HTR7: variants seen among roughly 807,000 people sequenced by gnomAD.
HTR7 encodes 5-hydroxytryptamine receptor 7, also known as 5-HT-7.
Under a neutral mutation model 34.0 loss-of-function variants are expected in HTR7, and 16 were observed. The observed-to-expected ratio is 0.47, with a 90% CI of 0.32 to 0.71. The LOEUF (loss-of-function observed/expected upper bound fraction) is 0.71, where lower values mean the gene tolerates loss of function less well. HTR7 is among the 30% of genes least tolerant of loss of function. The pLI, the probability that HTR7 is intolerant of heterozygous loss-of-function variation, is 0.04. For synonymous variants in HTR7, 265 were observed against 260.2 expected, an observed-to-expected ratio of 1.02 and a Z score of -0.18; for missense variants, 504 against 625.5, an observed-to-expected ratio of 0.81 and a Z score of 2.07.
In HTR7 at chr10:90,857,663, G is replaced by T; in HGVS notation, c.9C>A (p.Asp3Glu). 1 of 1,573,286 alleles carries T rather than the reference G, an allele frequency of 6.4e-7. No homozygotes were observed. The highest frequency in any genetic ancestry group is 1.4e-5 in the African/African-American group (1 of 72,598). Reference sequence around the variant, plus strand: ...GGTCCGGGCGGCCGCTGCTGTTAACGTCCATCATCGCGCCGCCGTGTGCCG... The same window carrying T: ...GGTCCGGGCGGCCGCTGCTGTTAACTTCCATCATCGCGCCGCCGTGTGCCG... MM[D>E]VNSSGRPDLY... Residue 3 changes from aspartate to glutamate, a missense_variant, in exon 1 of 4, where the codon GAC (aspartate) becomes GAA (glutamate). Physicochemically the swap from Asp to Glu is conservative, Grantham distance 45. Around this residue, in one of 4 missense-constraint regions of HTR7, gnomAD observed 139 missense variants for 117.1 expected, o/e 1.19. Transcript: ENST00000336152. The surrounding 1 kb of genome is among the most constrained non-coding windows in gnomAD (Gnocchi z 6.5).
chr10:90,807,926 C>T (rs1845729417), intron 1 of HTR7, among the ~76,000 whole-genome samples: 1 of 152,224 alleles, frequency 6.6e-6, no homozygotes, highest in Non-Finnish European at 1.5e-5. Context: ...ACCTCTCTCA[C>T]TATCCCTCAA....
At chr10:90,748,479 C>T (rs1260028835) in intron 2 of HTR7, among the ~76,000 whole-genome samples, 2 of 152,178 alleles carry the variant, frequency 1.3e-5, no homozygotes, top group African/African-American at 4.8e-5. Context: ...AAAAGCTTTA[C>T]TGGACAGAAG....
At chr10:90,788,881 C>A (rs1486077991) in intron 1 of HTR7, among the ~76,000 whole-genome samples, 1 of 152,126 alleles carries the variant, frequency 6.6e-6, no homozygotes, top group Non-Finnish European at 1.5e-5. Context: ...AAAGTGTCTG[C>A]ACTTCTAGTC....
At chr10:90,747,314 A>G (rs1321280483) in intron 2 of HTR7, among the ~76,000 whole-genome samples, 1 of 152,256 alleles carries the variant, frequency 6.6e-6, no homozygotes, top group Non-Finnish European at 1.5e-5. Context: ...CCTTCTCTGA[A>G]GGAATTCAAA....
chr10:90,828,767 T>A (rs912769922), intron 1 of HTR7, among the ~76,000 whole-genome samples: 2 of 151,992 alleles, frequency 1.3e-5, no homozygotes, highest in African/African-American at 2.4e-5. Context: ...AAAACATTTT[T>A]AAAAAAATCA....
intron 1 of HTR7, among the ~76,000 whole-genome samples, chr10:90,843,413 G>C (rs761707586): frequency 1.3e-5 from 2 of 152,178 alleles, no homozygotes; most frequent in Non-Finnish European, 2.9e-5. Context: ...AAAGTGCAAG[G>C]TGTTAAAAGA....
chr10:90,816,596 C>A (rs1845902381), intron 1 of HTR7, among the ~76,000 whole-genome samples: 1 of 152,200 alleles, frequency 6.6e-6, no homozygotes, highest in Admixed American at 6.5e-5. Context: ...CATATAAATT[C>A]TCTTTTGTCA....
At position 90,858,005 on chromosome 10, in the gene HTR7, G is replaced by A. The variant is rs1381686230; in HGVS notation, c.-334C>T. ...CAGCAGCAGCTCGGCTGCGCCGAGA[G>A]CGCCCGGGCGGCAGCGGCAGAAGTT... On this transcript the variant is annotated 5_prime_UTR_variant, in exon 1 of 4. Coordinates refer to ENST00000336152, the MANE Select transcript of HTR7 (RefSeq NM_019859.4). Among the ~76,000 whole-genome samples, 1 of 149,972 alleles carries A rather than the reference G, an allele frequency of 6.7e-6. No individual in the cohort carries two copies. The highest frequency in any genetic ancestry group is 1.5e-5 in the Non-Finnish European group (1 of 67,336).
In HTR7 at chr10:90,857,407, T is replaced by C. The variant is rs778449306; in HGVS notation, c.265A>G (p.Thr89Ala). The change falls in exon 1 of 4, where the codon ACG (threonine) becomes GCG (alanine). Residue 89 changes from threonine to alanine, a missense_variant. This residue lies in a region of HTR7 where 154 missense variants were observed against 248.8 expected (regional missense o/e 0.62). Transcript: ENST00000336152. The surrounding 1 kb of genome is among the most constrained non-coding windows in gnomAD (Gnocchi z 6.5). ...GCGATCGTCAGCAGCGTGATGAGCG[T>C]CAGGATGGAGCCGATCACAACTTTC... The part of the protein sequence containing the change: ...VEKVVIGSIL[T>A]LITLLTIAGN... 4.3e-6 allele frequency: 7 copies of C among 1,614,004 alleles called. No homozygotes were observed. In the East Asian group the frequency reaches 1.3e-4, roughly 31 times the overall value.
intron 1 of HTR7, among the ~76,000 whole-genome samples, chr10:90,840,134 C>T (rs1846305099): frequency 6.6e-6 from 1 of 150,970 alleles, no homozygotes; most frequent in Admixed American, 6.7e-5. Flanking sequence ...TCCTCTCCAT[C>T]TCTCCATCTG....
chr10:90,823,418 T>A (rs1846019255), intron 1 of HTR7, among the ~76,000 whole-genome samples: 1 of 152,248 alleles, frequency 6.6e-6, no homozygotes, highest in African/African-American at 2.4e-5. Flanking sequence ...GCCTATTTGT[T>A]TCGGCTGATT....
intron 1 of HTR7, among the ~76,000 whole-genome samples, chr10:90,771,445 C>T (rs1200578043): frequency 6.6e-6 from 1 of 152,210 alleles, no homozygotes; most frequent in African/African-American, 2.4e-5. Flanking sequence ...AGAGCTGTGG[C>T]CCTTTGGGGA....
chr10:90,831,429 G>T (rs889956002), intron 1 of HTR7, among the ~76,000 whole-genome samples: 1 of 152,008 alleles, frequency 6.6e-6, no homozygotes, highest in African/African-American at 2.4e-5. Context: ...TCGTGGTCTC[G>T]GTGACTTCAG....
chr10:90,825,385 G>T (rs11498660), intron 1 of HTR7, among the ~76,000 whole-genome samples: 1,873 of 152,232 alleles, frequency 0.012, 37 homozygotes, highest in African/African-American at 0.042. Flanking sequence ...AAGAAGGATG[G>T]GTACAAACAA....
intron 1 of HTR7, among the ~76,000 whole-genome samples, chr10:90,756,590 G>T (rs1189270239): frequency 6.6e-6 from 1 of 152,166 alleles, no homozygotes; most frequent in Middle Eastern, 3.4e-3. Flanking sequence ...AGAGAGGGGG[G>T]AAGAAAGCAA....
intron 1 of HTR7, among the ~76,000 whole-genome samples, chr10:90,750,234 G>C (rs1229929347): frequency 6.6e-6 from 1 of 152,140 alleles, no homozygotes; most frequent in African/African-American, 2.4e-5. Flanking sequence ...AGCAATGTCA[G>C]AGGAACAATC....
At chr10:90,771,202 C>T (rs151053111) in intron 1 of HTR7, among the ~76,000 whole-genome samples, 2 of 152,294 alleles carry the variant, frequency 1.3e-5, no homozygotes, top group East Asian at 3.9e-4. Flanking sequence ...CAATGGGACA[C>T]CCTGGCCTTA....
In HTR7 at chr10:90,852,202, T is replaced by TAAAAAAAAA. The variant is rs60371298; in HGVS notation, c.539+4922_539+4930dup. Among the ~76,000 whole-genome samples, 200 of 135,246 alleles carry TAAAAAAAAA rather than the reference T, an allele frequency of 1.5e-3. 3 individuals are homozygous for TAAAAAAAAA. The highest frequency in any genetic ancestry group is 4.3e-3 in the African/African-American group (151 of 35,184). The allele number at this position is 135,246 out of a possible 152,430, so 88.7% of individuals were successfully genotyped here. On this transcript the variant is annotated intron_variant, in intron 1 of 3. Coordinates refer to ENST00000336152, the MANE Select transcript of HTR7 (RefSeq NM_019859.4). ...AGCGAGACTGTCTCTTTATGTGAAG[T>TAAAAAAAAA]AAAAAAAAAAAAGTTTTTAATTTAA...
intron 1 of HTR7, among the ~76,000 whole-genome samples, chr10:90,824,407 C>T (rs1045085798): frequency 1.3e-5 from 2 of 152,332 alleles, no homozygotes; most frequent in Admixed American, 6.5e-5. Context: ...TTGGATGAGA[C>T]TCTGAGATGT....
Sources: allele counts gnomAD v4.1 joint callset (sites outside exome capture counted in the v4.1 genomes callset), GRCh38; gene constraint gnomAD v4.1.1; regional missense constraint gnomAD v4.1.1; non-coding constraint Gnocchi (gnomAD v3.1); transcripts MANE v1.5; gene names NCBI Gene and HGNC (gene_info 2026-07-23, HGNC 2026-07-21).